TAS2R1: variants seen among roughly 807,000 people sequenced by gnomAD.
TAS2R1 encodes the protein taste receptor type 2 member 1.
For missense variants in TAS2R1, 370 were observed against 353.4 expected, an observed-to-expected ratio of 1.05 and a Z score of -0.38; for synonymous variants, 141 against 134.2, an observed-to-expected ratio of 1.05 and a Z score of -0.35.
chr5:9,704,654 T>C (rs1741563824), intron 1 of TAS2R1, among the ~76,000 whole-genome samples: 1 of 152,166 alleles, frequency 6.6e-6, no homozygotes, highest in Non-Finnish European at 1.5e-5. Flanking sequence ...GGTAGACAAG[T>C]GGCCAACTAA....
chr5:9,752,993 G>C, the TAS2R1 span, among the ~76,000 whole-genome samples: 1 of 152,132 alleles, frequency 6.6e-6, no homozygotes, highest in East Asian at 1.9e-4. Context: ...ATTGTGAATA[G>C]TGCCGCAATA....
chr5:9,679,230 CAG>C (rs1366047483), intron 1 of TAS2R1, among the ~76,000 whole-genome samples: 1 of 152,164 alleles, frequency 6.6e-6, no homozygotes, highest in Non-Finnish European at 1.5e-5. Flanking sequence ...GGGCGAAGCA[CAG>C]GGGATTTTTA....
chr5:9,822,553 G>T, the TAS2R1 span, among the ~76,000 whole-genome samples: 1 of 151,898 alleles, frequency 6.6e-6, no homozygotes, highest in Non-Finnish European at 1.5e-5. Flanking sequence ...GTTTCACTGT[G>T]TTAGCCAGGA....
chr5:9,758,773 C>T, the TAS2R1 span, among the ~76,000 whole-genome samples: 929 of 152,310 alleles, frequency 6.1e-3, 10 homozygotes, highest in African/African-American at 0.022. Context: ...CCCCAGGCTT[C>T]GGCAGCCCAT....
chr5:9,866,935 T>C, the TAS2R1 span, among the ~76,000 whole-genome samples: 1 of 152,220 alleles, frequency 6.6e-6, no homozygotes, highest in African/African-American at 2.4e-5. Flanking sequence ...TGTATGTATG[T>C]TCTATATTTT....
chr5:9,766,413 G>C, the TAS2R1 span, among the ~76,000 whole-genome samples: 1 of 152,202 alleles, frequency 6.6e-6, no homozygotes, highest in Non-Finnish European at 1.5e-5. Flanking sequence ...CCTTTACAGG[G>C]AAACAAAACA....
At chr5:9,795,917 A>G in the TAS2R1 span, among the ~76,000 whole-genome samples, 3 of 152,324 alleles carry the variant, frequency 2.0e-5, no homozygotes, top group African/African-American at 7.2e-5. Flanking sequence ...CTAAGGGTCC[A>G]GAAAAGTGAA....
the TAS2R1 span, among the ~76,000 whole-genome samples, chr5:9,741,100 A>G: frequency 0.049 from 7,419 of 152,190 alleles, 534 homozygotes; most frequent in East Asian, 0.19. Flanking sequence ...ACCAGCCTCT[A>G]CCACTTGGGT....
chr5:9,829,682 T>G, the TAS2R1 span, among the ~76,000 whole-genome samples: 4 of 152,192 alleles, frequency 2.6e-5, no homozygotes, highest in Non-Finnish European at 5.9e-5. Context: ...AGCTGAGGGC[T>G]TAAGCCATGG....
the TAS2R1 span, among the ~76,000 whole-genome samples, chr5:9,893,494 G>A: frequency 6.6e-6 from 1 of 152,146 alleles, no homozygotes. Context: ...AGGGATGACA[G>A]CACTCATTCA....
chr5:9,876,119 C>A, the TAS2R1 span, among the ~76,000 whole-genome samples: 1 of 151,938 alleles, frequency 6.6e-6, no homozygotes, highest in Non-Finnish European at 1.5e-5. Flanking sequence ...AGTCTGGTAG[C>A]CCCTGAAGAG....
At chr5:9,709,428 G>A (rs1490635734) in intron 1 of TAS2R1, among the ~76,000 whole-genome samples, 1 of 152,090 alleles carries the variant, frequency 6.6e-6, no homozygotes, top group Non-Finnish European at 1.5e-5. Context: ...TGCTACTCCA[G>A]TACTCAGTAA....
chr5:9,832,672 T>C, the TAS2R1 span, among the ~76,000 whole-genome samples: 1 of 152,124 alleles, frequency 6.6e-6, no homozygotes, highest in Admixed American at 6.6e-5. Context: ...GGCAGCTCAT[T>C]CCACACAAGT....
chr5:9,752,241 C>G, the TAS2R1 span, among the ~76,000 whole-genome samples: 1 of 152,172 alleles, frequency 6.6e-6, no homozygotes, highest in Non-Finnish European at 1.5e-5. Context: ...GTTGAATGTG[C>G]AGATTCTTAT....
intron 1 of TAS2R1, among the ~76,000 whole-genome samples, chr5:9,672,370 T>C (rs1347587134): frequency 6.6e-6 from 1 of 152,070 alleles, no homozygotes; most frequent in African/African-American, 2.4e-5. Flanking sequence ...GAGAAAATAT[T>C]TGCAACCTAT....
chr5:9,821,288 A>T, the TAS2R1 span, among the ~76,000 whole-genome samples: 1 of 152,178 alleles, frequency 6.6e-6, no homozygotes, highest in Non-Finnish European at 1.5e-5. Context: ...GAGCAGAGAG[A>T]AGACTCAAGC....
chr5:9,870,031 A>G, the TAS2R1 span: 1 of 152,258 alleles, frequency 6.6e-6, no homozygotes, highest in African/African-American at 2.4e-5. Flanking sequence ...CAGCATTAGC[A>G]TGGTTGACCA....
At chr5:9,825,576 G>T in the TAS2R1 span, among the ~76,000 whole-genome samples, 5 of 151,960 alleles carry the variant, frequency 3.3e-5, no homozygotes, top group African/African-American at 1.2e-4. Flanking sequence ...TAGACTATTT[G>T]GTTACCCTAA....
chr5:9,669,772 G>C (rs1740713166), intron 1 of TAS2R1, among the ~76,000 whole-genome samples: 1 of 152,048 alleles, frequency 6.6e-6, no homozygotes, highest in Non-Finnish European at 1.5e-5. Context: ...GTGTTAAGAG[G>C]GAAGTTTACA....
Sources: allele counts gnomAD v4.1 joint callset (sites outside exome capture counted in the v4.1 genomes callset), GRCh38; gene constraint gnomAD v4.1.1; transcripts MANE v1.5; gene names NCBI Gene and HGNC (gene_info 2026-07-23, HGNC 2026-07-21).